RADIL: variants seen among roughly 807,000 people sequenced by gnomAD.
The protein encoded by RADIL is ras-associating and dilute domain-containing protein.
A neutral mutation model predicts 97.6 loss-of-function variants in RADIL; 99 were observed. The ratio of observed to expected loss-of-function variants is 1.01; its 90% CI spans 0.86 to 1.20. RADIL has a LOEUF of 1.20. Among genes scored for constraint, RADIL ranks in the 50% most tolerant of loss-of-function variants. The probability of loss-of-function intolerance (pLI) is 0.00; values close to 1 mark genes in which losing one functional copy is unlikely to be tolerated. For missense variants in RADIL, 1,765 were observed against 1,498.9 expected (o/e 1.18, Z -2.93); for synonymous variants, 803 against 691.8 (o/e 1.16, Z -2.52).
At chr7:4,871,067 C>G (rs1258597095) in intron 2 of RADIL, among the ~76,000 whole-genome samples, 1 of 152,168 alleles carries the variant, frequency 6.6e-6, no homozygotes, top group East Asian at 1.9e-4. Flanking sequence ...CTTTAAAGTT[C>G]AATAACTTTT....
rs551733907 is a variant in RADIL at position 4,878,285 on chromosome 7, C to G, written c.-64-82G>C. On this transcript the variant is annotated intron_variant, in intron 1 of 14. Coordinates refer to ENST00000399583, the MANE Select transcript of RADIL (RefSeq NM_018059.5). This position sits in a 1 kb window ranked among gnomAD's most constrained non-coding sequence, Gnocchi z 4.1. ...GAGGCCACAGGCGGTGACTCCTGCC[C>G]GTCATCCCAGCGCTTTAGAAGGCCA... The G allele has an allele frequency of 2.2e-6, 2 of 921,788 alleles. No homozygotes were observed. Among genetic ancestry groups the G allele is most frequent in the East Asian group, 5.4e-5 (2 of 37,000 alleles). 57.1% of individuals were successfully genotyped at this position (921,788 alleles called of 1,614,324 possible).
chr7:4,818,905 A>G lies in RADIL; in HGVS notation c.1616-1554T>C, dbSNP rs546378409. 2.6e-4 allele frequency among the ~76,000 whole-genome samples: 39 copies of G among 151,692 alleles called. 2 individuals carry two copies. The highest frequency in any genetic ancestry group is 8.7e-4 in the African/African-American group (36 of 41,334). ...TCCAGCCACCCACCACGGGCCTGAG[A>G]CTCCATTTCTTCTTTTATTTAATTT... On this transcript the variant is annotated intron_variant, in intron 6 of 14. Coordinates refer to ENST00000399583, the MANE Select transcript of RADIL (RefSeq NM_018059.5). This position sits in a 1 kb window ranked among gnomAD's most constrained non-coding sequence, Gnocchi z 7.1.
chr7:4,805,818 G>T, intron 9 of RADIL, 102 bp from the exon 10 acceptor site: 1 of 1,475,472 alleles, frequency 6.8e-7, no homozygotes. Flanking sequence ...CCAGCTGAGG[G>T]GCCCTGTGGT....
chr7:4,881,101 TAAAAAAAAAAAAAAAAAA>T (rs58900044), intron 1 of RADIL, among the ~76,000 whole-genome samples: 1 of 55,180 alleles, frequency 1.8e-5, no homozygotes. Flanking sequence ...CCCTCTCTGT[TAAAAAAAAAAAAAAAAAA>T]AAAAAAAAAA....
intron 5 of RADIL, among the ~76,000 whole-genome samples, chr7:4,830,428 C>G (rs997067778): frequency 6.6e-6 from 1 of 152,204 alleles, no homozygotes; most frequent in Non-Finnish European, 1.5e-5. Flanking sequence ...AGAGATAGTG[C>G]TTTCTGCGCA....
At chr7:4,864,204 T>G (rs113526286) in intron 2 of RADIL, among the ~76,000 whole-genome samples, 3 of 152,206 alleles carry the variant, frequency 2.0e-5, no homozygotes, top group African/African-American at 7.2e-5. Flanking sequence ...CCCAATGATT[T>G]CCATCTTCTT....
intron 2 of RADIL, among the ~76,000 whole-genome samples, chr7:4,865,269 T>C (rs1784105566): frequency 1.3e-5 from 2 of 152,244 alleles, no homozygotes; most frequent in African/African-American, 2.4e-5. Context: ...GTTGCAGTCA[T>C]GTACATTATG....
At chr7:4,800,846 G>A (rs540409024) in intron 12 of RADIL, among the ~76,000 whole-genome samples, 3 of 152,308 alleles carry the variant, frequency 2.0e-5, no homozygotes, top group South Asian at 4.1e-4. Flanking sequence ...TGGCCTGCCT[G>A]GGACCCAGCT....
intron 6 of RADIL, among the ~76,000 whole-genome samples, chr7:4,820,022 C>T (rs144991341): frequency 6.6e-5 from 10 of 152,238 alleles, no homozygotes; most frequent in African/African-American, 1.9e-4. Context: ...CACGAAGCCA[C>T]GTGGAAAGTC....
chr7:4,865,253 C>T (rs1025781147), intron 2 of RADIL, among the ~76,000 whole-genome samples: 8 of 152,218 alleles, frequency 5.3e-5, no homozygotes, highest in South Asian at 2.1e-4. Context: ...CATAAAACAA[C>T]TTGTAGTTGC....
Position 4,867,486 on chromosome 7 carries a change from A to C in RADIL, c.535+10119T>G, listed in dbSNP as rs946816525. The stretch of plus-strand genomic sequence containing the variant: ...CTAGAGCACCATGGGTAGGTGTCAA[A>C]AACATAATGTGAGGCCAGGTGTGGT... On this transcript the variant is annotated intron_variant, in intron 2 of 14. Transcript: ENST00000399583. This position sits in a 1 kb window ranked among gnomAD's most constrained non-coding sequence, Gnocchi z 4.1. Among the ~76,000 whole-genome samples the C allele has an allele frequency of 6.6e-6, 1 of 152,206 alleles. No homozygotes were observed. Among genetic ancestry groups the C allele is most frequent in the African/African-American group, 2.4e-5 (1 of 41,448 alleles).
chr7:4,808,495 C>A, intron 9 of RADIL: 2 of 847,776 alleles, frequency 2.4e-6, no homozygotes, highest in Non-Finnish European at 2.8e-6. Context: ...GGCCCCCAAG[C>A]TAGAAATGGT....
chr7:4,820,445 C>G (rs1259728766), intron 6 of RADIL, among the ~76,000 whole-genome samples: 1 of 152,240 alleles, frequency 6.6e-6, no homozygotes, highest in Admixed American at 6.5e-5. Context: ...GGCCCAGGCC[C>G]CATGGACAGG....
Position 4,842,192 on chromosome 7 carries a change from C to G in RADIL, c.536-5587G>C, listed in dbSNP as rs1783456128. 6.6e-6 allele frequency among the ~76,000 whole-genome samples: 1 copy of G among 152,098 alleles called. No homozygotes were observed. Among genetic ancestry groups the G allele is most frequent in the Admixed American group, 6.5e-5 (1 of 15,280 alleles). On this transcript the variant is annotated intron_variant, in intron 2 of 14. Transcript: ENST00000399583. The surrounding 1 kb of genome is among the most constrained non-coding windows in gnomAD (Gnocchi z 4.5). ...AATGGGATAGAAGGAGTAGAAAGTGCAGGGCGCCGGGGCAATGGGGAAGAT... is the reference window on the plus strand; with the variant it reads ...AATGGGATAGAAGGAGTAGAAAGTGGAGGGCGCCGGGGCAATGGGGAAGAT...
At position 4,837,381 on chromosome 7, in the gene RADIL, C is replaced by G. The variant is rs3763381; in HGVS notation, c.536-776G>C. On this transcript the variant is annotated intron_variant, in intron 2 of 14. Coordinates refer to ENST00000399583, the MANE Select transcript of RADIL (RefSeq NM_018059.5). This position sits in a 1 kb window ranked among gnomAD's most constrained non-coding sequence, Gnocchi z 5.6. ...CCCTGGGGGTGGTGCTCTGACGAGA[C>G]GAGACGGACTGGTCAGCATCCTGCC... 6.6e-6 allele frequency among the ~76,000 whole-genome samples: 1 copy of G among 152,000 alleles called. No homozygotes were observed. The highest frequency in any genetic ancestry group is 1.5e-5 in the Non-Finnish European group (1 of 67,992).
In RADIL at chr7:4,842,699, GT is replaced by G. The variant is rs1041707329; in HGVS notation, c.536-6095del. Among the ~76,000 whole-genome samples, 3 of 152,178 alleles carry G rather than the reference GT, an allele frequency of 2.0e-5. No homozygotes were observed. The highest frequency in any genetic ancestry group is 4.4e-5 in the Non-Finnish European group (3 of 68,038). Reference sequence around the variant, plus strand: ...TCTCTTCCCTCCCTGGCTCTTGATGGTTTGGAATAATGATATATACAACTTG... The same window carrying G: ...TCTCTTCCCTCCCTGGCTCTTGATGGTTGGAATAATGATATATACAACTTG... On this transcript the variant is annotated intron_variant, in intron 2 of 14. Coordinates refer to ENST00000399583, the MANE Select transcript of RADIL (RefSeq NM_018059.5). This position sits in a 1 kb window ranked among gnomAD's most constrained non-coding sequence, Gnocchi z 4.5.
intron 1 of RADIL, among the ~76,000 whole-genome samples, chr7:4,882,758 G>C (rs1481870264): frequency 6.6e-6 from 1 of 152,242 alleles, no homozygotes; most frequent in Admixed American, 6.5e-5. Flanking sequence ...CTAGCTGCTG[G>C]AGAGGAGACC....
At chr7:4,870,869 G>A (rs73318121) in intron 2 of RADIL, among the ~76,000 whole-genome samples, 3,399 of 152,294 alleles carry the variant, frequency 0.022, 143 homozygotes, top group African/African-American at 0.076. Context: ...CCCAGGGCAG[G>A]AGGGGGTGCT....
In RADIL at chr7:4,877,822, C is replaced by T; in HGVS notation, c.318G>A (p.Gln106=). The part of the protein sequence containing the change: ...ALERYALDPR[Q]AGQYVLCDVV... ...CGTCACACAGCACGTACTGGCCGGCCTGCCTGGGGTCCAGGGCGTACCGCT... is the reference window on the plus strand; with the variant it reads ...CGTCACACAGCACGTACTGGCCGGCTTGCCTGGGGTCCAGGGCGTACCGCT... The change falls in exon 2 of 15, where the codon CAG becomes CAA. Residue 106 remains glutamine, a synonymous_variant. Coordinates refer to ENST00000399583, the MANE Select transcript of RADIL (RefSeq NM_018059.5). The T allele has an allele frequency of 6.2e-7, 1 of 1,608,840 alleles. No individual in the cohort carries two copies. The highest frequency in any genetic ancestry group is 8.5e-7 in the Non-Finnish European group (1 of 1,179,850).
Sources: gnomAD v4.1 joint callset for allele counts (sites outside exome capture counted in the v4.1 genomes callset) on GRCh38, gnomAD v4.1.1 for gene constraint, Gnocchi (gnomAD v3.1) non-coding constraint, MANE v1.5 for transcripts, NCBI Gene and HGNC (gene_info 2026-07-23, HGNC 2026-07-21) for gene names.